The following TMPRSS9 variants were observed in gnomAD, a reference collection of about 807,000 sequenced individuals.
TMPRSS9 encodes transmembrane protease serine 9.
A neutral mutation model predicts 111.4 loss-of-function variants in TMPRSS9; 113 were observed. The ratio of observed to expected loss-of-function variants is 1.01; its 90% CI spans 0.87 to 1.19. The LOEUF is 1.19. TMPRSS9 is among the 50% of genes most tolerant of loss of function. The pLI, the probability that TMPRSS9 is intolerant of heterozygous loss-of-function variation, is 0.00. For synonymous variants in TMPRSS9, 805 were observed against 659.1 expected (o/e 1.22, Z -3.39); for missense variants, 1,803 against 1,513.1 (o/e 1.19, Z -3.18).
At chr19:2,397,864 G>A (rs1390741714) in intron 2 of TMPRSS9, among the ~76,000 whole-genome samples, 1 of 130,430 alleles carries the variant, frequency 7.7e-6, no homozygotes, top group African/African-American at 2.9e-5. Context: ...AAGTTGCAGT[G>A]AGCCAAGATC....
At chr19:2,391,485 G>A (rs907912315) in intron 1 of TMPRSS9, among the ~76,000 whole-genome samples, 1 of 151,452 alleles carries the variant, frequency 6.6e-6, no homozygotes, top group African/African-American at 2.4e-5. Flanking sequence ...ATACAATTTG[G>A]GTTCCTCGTG....
At chr19:2,391,921 T>G (rs1970606595) in intron 1 of TMPRSS9, among the ~76,000 whole-genome samples, 2 of 151,914 alleles carry the variant, frequency 1.3e-5, no homozygotes, top group African/African-American at 4.8e-5. Flanking sequence ...TTTGTATTTT[T>G]AGTAGAGATA....
chr19:2,424,102 G>A (rs769929455), exon 15 of TMPRSS9: 5 of 1,308,070 alleles, frequency 3.8e-6, no homozygotes, highest in South Asian at 2.1e-5. Flanking sequence ...GTGGCCTGGC[G>A]CCGGCCGCGC....
chr19:2,377,285 G>GTATA (rs1970344263), intron 1 of TMPRSS9, among the ~76,000 whole-genome samples: 2 of 66,452 alleles, frequency 3.0e-5, no homozygotes, highest in Non-Finnish European at 5.7e-5. Context: ...ATGTATGTAT[G>GTATA]TATGTATATA....
chr19:2,363,812 G>A (rs113985221), intron 1 of TMPRSS9, among the ~76,000 whole-genome samples: 7 of 144,430 alleles, frequency 4.8e-5, no homozygotes, highest in East Asian at 4.0e-4. Context: ...GTGCGTGCGC[G>A]CGTGTGTGTG....
intron 1 of TMPRSS9, among the ~76,000 whole-genome samples, chr19:2,372,180 T>C (rs909729211): frequency 6.6e-6 from 1 of 152,162 alleles, no homozygotes; most frequent in Non-Finnish European, 1.5e-5. Context: ...CCCTGTATCT[T>C]GGTGCGCAGT....
intron 13 of TMPRSS9, among the ~76,000 whole-genome samples, chr19:2,420,286 CAAG>C (rs1486535335): frequency 6.6e-6 from 1 of 151,822 alleles, no homozygotes; most frequent in Admixed American, 6.6e-5. Context: ...TAAAAAACTA[CAAG>C]AATTTAGCCA....
chr19:2,391,620 C>A (rs1864359019), intron 1 of TMPRSS9, among the ~76,000 whole-genome samples: 1 of 141,602 alleles, frequency 7.1e-6, no homozygotes, highest in Admixed American at 7.1e-5. Flanking sequence ...GTGTGTGTGT[C>A]CATCACCTAG....
At chr19:2,422,214 G>C (rs755599882) in exon 14 of TMPRSS9, 1 of 1,520,106 alleles carries the variant, frequency 6.6e-7, no homozygotes, top group East Asian at 2.3e-5. Flanking sequence ...ATTTCCAGAC[G>C]CCCCGGAGGC....
exon 8 of TMPRSS9, chr19:2,408,552 C>T (rs1195198983): frequency 6.2e-7 from 1 of 1,613,664 alleles, no homozygotes; most frequent in South Asian, 1.1e-5. Context: ...GCCCGTGTGC[C>T]TCCCGGCTGC....
intron 13 of TMPRSS9, among the ~76,000 whole-genome samples, chr19:2,421,300 T>A (rs911984030): frequency 1.3e-5 from 2 of 151,856 alleles, no homozygotes; most frequent in African/African-American, 4.8e-5. Flanking sequence ...TATTTATTTT[T>A]TTTTTTGAGA....
intron 14 of TMPRSS9, among the ~76,000 whole-genome samples, chr19:2,422,614 G>A (rs969479472): frequency 5.9e-5 from 9 of 151,418 alleles, no homozygotes; most frequent in African/African-American, 1.7e-4. Context: ...GGCTGGGCGC[G>A]GTGGCTCATG....
rs1164765527 is a variant in TMPRSS9 at position 2,379,631 on chromosome 19, TTC to T, written c.-25-10128_-25-10127del. On this transcript the variant is annotated intron_variant, in intron 1 of 17. Coordinates refer to the TMPRSS9 transcript ENST00000649857. ...ACTTTCTTTCTCTTTCTTTCTTTCTTTCTTTCTTTCTTTCTTTCTTTCTTTCT... is the reference window on the plus strand; with the variant it reads ...ACTTTCTTTCTCTTTCTTTCTTTCTTTTTCTTTCTTTCTTTCTTTCTTTCT... 3.5e-5 allele frequency among the ~76,000 whole-genome samples: 5 copies of T among 144,268 alleles called. No homozygotes were observed. In the South Asian group the frequency reaches 1.1e-3, roughly 32 times the overall value. The allele number at this position is 144,268 out of a possible 152,430, so 94.6% of individuals were successfully genotyped here. A position where few individuals can be genotyped will look rare whatever the true frequency, so the allele number is the denominator to read the frequency against.
At chr19:2,402,800 G>A (rs1471513882) in intron 5 of TMPRSS9, among the ~76,000 whole-genome samples, 1 of 151,872 alleles carries the variant, frequency 6.6e-6, no homozygotes, top group Non-Finnish European at 1.5e-5. Context: ...GGTTGGTGGT[G>A]TGCACCTGTG....
At chr19:2,404,479 G>T (rs888984702) in intron 6 of TMPRSS9, among the ~76,000 whole-genome samples, 1 of 148,492 alleles carries the variant, frequency 6.7e-6, no homozygotes, top group Non-Finnish European at 1.5e-5. Flanking sequence ...GGAGGTGGAG[G>T]TTACAGTGAG....
chr19:2,363,670 G>A (rs189844779), intron 1 of TMPRSS9, among the ~76,000 whole-genome samples: 1 of 151,658 alleles, frequency 6.6e-6, no homozygotes, highest in Non-Finnish European at 1.5e-5. Context: ...CCGGCCCTGC[G>A]CCCCTCGGTC....
upstream of TMPRSS9, among the ~76,000 whole-genome samples, chr19:2,386,232 A>C (rs1214106181): frequency 6.6e-6 from 1 of 152,152 alleles, no homozygotes; most frequent in African/African-American, 2.4e-5. Flanking sequence ...TTGGCCGGGC[A>C]CGGTGGCTCA....
chr19:2,399,064 C>G (rs567369318), exon 4 of TMPRSS9: 2 of 1,613,380 alleles, frequency 1.2e-6, no homozygotes, highest in South Asian at 2.2e-5. Flanking sequence ...GCACTTTCTG[C>G]TGCGACCCCT....
chr19:2,392,655 C>T lies in TMPRSS9; in HGVS notation c.142+2728C>T, dbSNP rs138724580. Reference sequence around the variant, plus strand: ...GGAGGATTGTATATGCACCAGTGAACACTCTGTGTCTAGCTAATCTGGTGG... The same window carrying T: ...GGAGGATTGTATATGCACCAGTGAATACTCTGTGTCTAGCTAATCTGGTGG... On this transcript the variant is annotated intron_variant, in intron 1 of 17. Transcript: ENST00000648592. 1.8e-3 allele frequency among the ~76,000 whole-genome samples: 275 copies of T among 152,308 alleles called. 2 individuals are homozygous for T. The highest frequency in any genetic ancestry group is 6.2e-3 in the African/African-American group (259 of 41,584).
Sources: gnomAD v4.1 joint callset for allele counts (sites outside exome capture counted in the v4.1 genomes callset) on GRCh38, gnomAD v4.1.1 for gene constraint, MANE v1.5 for transcripts, NCBI Gene and HGNC (gene_info 2026-07-23, HGNC 2026-07-21) for gene names.